The following WHR1 variants were observed in gnomAD, a reference collection of about 807,000 sequenced individuals.
WHR1 encodes the protein MHC class III HLA-RP1.
At chr6:31,979,532 G>A in the WHR1 span, 2 of 1,612,914 alleles carry the variant, frequency 1.2e-6, no homozygotes, top group South Asian at 1.1e-5. Context: ...CAGACCTTTG[G>A]CTTCAGGGAC....
At chr6:31,979,249 G>A in the WHR1 span, among the ~76,000 whole-genome samples, 5 of 96,766 alleles carry the variant, frequency 5.2e-5, no homozygotes, top group East Asian at 8.3e-4. Flanking sequence ...GAGGAGGGGG[G>A]GAGGAAGAGG....
At chr6:31,971,573 G>A in the WHR1 span, 12 of 1,614,086 alleles carry the variant, frequency 7.4e-6, no homozygotes, top group African/African-American at 1.3e-5. The surrounding 1 kb of genome is among the most constrained non-coding windows in gnomAD (Gnocchi z 4.5). Flanking sequence ...CCAGAGTAGA[G>A]GGCAGGGTCT....
At chr6:31,978,983 G>T in the WHR1 span, 1 of 1,612,374 alleles carries the variant, frequency 6.2e-7, no homozygotes. Flanking sequence ...TCTTCACTGA[G>T]GACTACAGGA....
At chr6:31,976,598 G>A in the WHR1 span, among the ~76,000 whole-genome samples, 42,134 of 151,208 alleles carry the variant, frequency 0.28, 7,141 homozygotes, top group Admixed American at 0.41. Flanking sequence ...CATCCCAGAC[G>A]ATGGGCGGCC....
chr6:31,976,343 C>T, the WHR1 span, among the ~76,000 whole-genome samples: 3 of 151,528 alleles, frequency 2.0e-5, no homozygotes, highest in South Asian at 2.1e-4. Context: ...GGCTGCCGGG[C>T]GGAGGGTCTC....
chr6:31,980,388 TGAG>T, the WHR1 span: 4 of 1,412,640 alleles, frequency 2.8e-6, no homozygotes, highest in Non-Finnish European at 3.9e-6. Context: ...CATTAATGGA[TGAG>T]GAGGAGAGAT....
chr6:31,971,462 G>C, the WHR1 span: 1 of 1,614,024 alleles, frequency 6.2e-7, no homozygotes, highest in Non-Finnish European at 8.5e-7. This position sits in a 1 kb window ranked among gnomAD's most constrained non-coding sequence, Gnocchi z 4.5. Context: ...GTGGGGGGTG[G>C]GCTATAGTAG....
At chr6:31,980,534 A>C in the WHR1 span, 5 of 1,612,922 alleles carry the variant, frequency 3.1e-6, no homozygotes, top group Non-Finnish European at 4.2e-6. Context: ...AGATTCATCA[A>C]GTACTTTGTT....
At chr6:31,972,414 G>A in the WHR1 span, 1 of 1,613,076 alleles carries the variant, frequency 6.2e-7, no homozygotes, top group Non-Finnish European at 8.5e-7. This position sits in a 1 kb window ranked among gnomAD's most constrained non-coding sequence, Gnocchi z 6.3. Flanking sequence ...CCCGGGATAT[G>A]AGCTGGAAGA....
chr6:31,972,573 C>A, the WHR1 span: 1 of 1,594,214 alleles, frequency 6.3e-7, no homozygotes. The surrounding 1 kb of genome is among the most constrained non-coding windows in gnomAD (Gnocchi z 6.3). Flanking sequence ...TTGTTAGAAC[C>A]GCGTCCCCGC....
the WHR1 span, among the ~76,000 whole-genome samples, chr6:31,975,874 CA>C: frequency 6.6e-6 from 1 of 151,850 alleles, no homozygotes; most frequent in African/African-American, 2.4e-5. Flanking sequence ...AGGCGCCCCT[CA>C]CCTCCCGGAC....
At chr6:31,980,422 C>G in the WHR1 span, 1 of 1,592,226 alleles carries the variant, frequency 6.3e-7, no homozygotes, top group Non-Finnish European at 8.6e-7. Context: ...GCCCAGCCCT[C>G]ATCTCTGCTG....
the WHR1 span, chr6:31,973,017 A>T: frequency 5.7e-6 from 4 of 702,294 alleles, no homozygotes; most frequent in Non-Finnish European, 1.0e-5. Context: ...CTGGGAGTGC[A>T]GTCAGACGTC....
chr6:31,972,171 C>G, the WHR1 span: 6 of 1,611,936 alleles, frequency 3.7e-6, no homozygotes, highest in Non-Finnish European at 5.1e-6. This position sits in a 1 kb window ranked among gnomAD's most constrained non-coding sequence, Gnocchi z 6.3. Flanking sequence ...TTGGAGGGAG[C>G]CAATCCGCGG....
chr6:31,980,218 G>A, the WHR1 span: 1 of 511,124 alleles, frequency 2.0e-6, no homozygotes, highest in Non-Finnish European at 3.5e-6. Context: ...ATAGTAGCAG[G>A]AAAAGAAAAA....
chr6:31,977,069 T>A, the WHR1 span, among the ~76,000 whole-genome samples: 1 of 152,158 alleles, frequency 6.6e-6, no homozygotes, highest in Non-Finnish European at 1.5e-5. Context: ...TCTTTTGGGG[T>A]TTGTTTTTAT....
Sources: gnomAD v4.1 joint callset for allele counts (sites outside exome capture counted in the v4.1 genomes callset) on GRCh38, gnomAD v4.1.1 for gene constraint, Gnocchi (gnomAD v3.1) non-coding constraint, MANE v1.5 for transcripts, NCBI Gene and HGNC (gene_info 2026-07-23, HGNC 2026-07-21) for gene names.